Variants in CACNA2D3 observed in about 807,000 individuals in gnomAD.
CACNA2D3 encodes voltage-dependent calcium channel subunit alpha-2/delta-3.
In CACNA2D3, 60 loss-of-function variants were observed where a neutral mutation model predicts 160.6. The ratio of observed to expected loss-of-function variants is 0.37; its 90% CI spans 0.30 to 0.46. CACNA2D3 has a LOEUF of 0.46. Ranked by LOEUF, CACNA2D3 falls within the 20% of genes least tolerant of loss-of-function variation. The probability of loss-of-function intolerance (pLI) is 1.00; values close to 1 mark genes in which losing one functional copy is unlikely to be tolerated. For missense variants in CACNA2D3, 1,205 were observed against 1,365.0 expected, an observed-to-expected ratio of 0.88 and a Z score of 1.85; for synonymous variants, 558 against 492.9, an observed-to-expected ratio of 1.13 and a Z score of -1.75.
intron 27 of CACNA2D3, chr3:54,918,691 A>T (rs766992149): frequency 6.2e-7 from 1 of 1,614,134 alleles, no homozygotes; most frequent in Non-Finnish European, 8.5e-7. Flanking sequence ...CTCGCACTCC[A>T]AGAGTTCTCG....
At chr3:54,409,692 G>T (rs2106723380) in intron 4 of CACNA2D3, among the ~76,000 whole-genome samples, 1 of 152,328 alleles carries the variant, frequency 6.6e-6, no homozygotes, top group South Asian at 2.1e-4. Flanking sequence ...CAGCCTTATT[G>T]CTGATATGGA....
chr3:54,414,129 T>C (rs1699716801), intron 4 of CACNA2D3, among the ~76,000 whole-genome samples: 1 of 151,960 alleles, frequency 6.6e-6, no homozygotes, highest in Admixed American at 6.6e-5. Flanking sequence ...AAGGAGAGAA[T>C]GATATACTAC....
intron 9 of CACNA2D3, among the ~76,000 whole-genome samples, chr3:54,588,176 G>A (rs1366895971): frequency 1.3e-5 from 2 of 152,170 alleles, no homozygotes; most frequent in African/African-American, 2.4e-5. Flanking sequence ...ATCAATCAAT[G>A]TAATCTACTA....
intron 5 of CACNA2D3, among the ~76,000 whole-genome samples, chr3:54,522,137 G>A (rs544880672): frequency 1.1e-4 from 17 of 151,842 alleles, no homozygotes; most frequent in Non-Finnish European, 2.4e-4. Context: ...GGAGAGTTTT[G>A]CCATTTTAAC....
At chr3:54,540,804 A>G (rs1427178924) in intron 5 of CACNA2D3, among the ~76,000 whole-genome samples, 2 of 151,954 alleles carry the variant, frequency 1.3e-5, no homozygotes, top group Non-Finnish European at 2.9e-5. Flanking sequence ...CACACTGGGG[A>G]TTGGGGATTA....
chr3:54,467,328 G>T (rs1038343982), intron 4 of CACNA2D3, among the ~76,000 whole-genome samples: 1 of 152,214 alleles, frequency 6.6e-6, no homozygotes, highest in African/African-American at 2.4e-5. Context: ...ACTGGGAAGA[G>T]TCTTGGAAAT....
At chr3:54,968,786 T>C (rs1249836420) in intron 28 of CACNA2D3, among the ~76,000 whole-genome samples, 1 of 152,196 alleles carries the variant, frequency 6.6e-6, no homozygotes, top group Admixed American at 6.5e-5. Context: ...CTTTTAAGTA[T>C]TGGGGCCTTT....
intron 4 of CACNA2D3, among the ~76,000 whole-genome samples, chr3:54,490,536 T>C (rs1440833124): frequency 6.6e-6 from 1 of 152,098 alleles, no homozygotes; most frequent in African/African-American, 2.4e-5. Context: ...CAAAAATGTT[T>C]CCCTAAGTGG....
intron 2 of CACNA2D3, among the ~76,000 whole-genome samples, chr3:54,145,618 A>C (rs533291512): frequency 3.9e-5 from 6 of 152,250 alleles, no homozygotes; most frequent in African/African-American, 1.4e-4. Context: ...TCTGCGATCT[A>C]CGTTTCTCTG....
intron 2 of CACNA2D3, among the ~76,000 whole-genome samples, chr3:54,222,203 C>T (rs890885873): frequency 3.3e-5 from 5 of 152,190 alleles, no homozygotes; most frequent in African/African-American, 1.2e-4. Flanking sequence ...TCAAGATCTG[C>T]AGTAAGCAAG....
intron 10 of CACNA2D3, among the ~76,000 whole-genome samples, chr3:54,628,367 A>G (rs941937783): frequency 2.0e-5 from 3 of 152,264 alleles, no homozygotes; most frequent in East Asian, 1.9e-4. Flanking sequence ...AGGTCAAACC[A>G]GAGCACAGTG....
chr3:54,473,772 CAT>C (rs1700779018), intron 4 of CACNA2D3, among the ~76,000 whole-genome samples: 1 of 152,114 alleles, frequency 6.6e-6, no homozygotes, highest in Admixed American at 6.5e-5. Context: ...GGCCAACAAA[CAT>C]ATGAAAAAAA....
intron 11 of CACNA2D3, among the ~76,000 whole-genome samples, chr3:54,693,515 C>T (rs1411974031): frequency 6.6e-6 from 1 of 152,158 alleles, no homozygotes; most frequent in Non-Finnish European, 1.5e-5. Context: ...ATGTACTGTA[C>T]TATACTTTTA....
chr3:54,717,910 G>A (rs1188534895), intron 11 of CACNA2D3, among the ~76,000 whole-genome samples: 1 of 151,946 alleles, frequency 6.6e-6, no homozygotes, highest in Admixed American at 6.6e-5. Flanking sequence ...CTGCATCTGG[G>A]TGTTTTAGTA....
intron 11 of CACNA2D3, among the ~76,000 whole-genome samples, chr3:54,686,785 AAAAC>A (rs1700455867): frequency 6.6e-6 from 1 of 152,234 alleles, no homozygotes; most frequent in African/African-American, 2.4e-5. Context: ...TGTGATTAAA[AAAAC>A]AAGTATTATG....
intron 2 of CACNA2D3, among the ~76,000 whole-genome samples, chr3:54,204,674 T>G (rs898441993): frequency 6.6e-6 from 1 of 151,726 alleles, no homozygotes; most frequent in African/African-American, 2.4e-5. Flanking sequence ...CACATGCCTG[T>G]AATCCCAGCT....
intron 27 of CACNA2D3, among the ~76,000 whole-genome samples, chr3:54,946,313 C>T (rs149148458): frequency 6.6e-6 from 1 of 152,318 alleles, no homozygotes; most frequent in Non-Finnish European, 1.5e-5. Flanking sequence ...CCATCCTGTA[C>T]ATGTCTTCAG....
chr3:54,199,657 T>G (rs1375086510), intron 2 of CACNA2D3, among the ~76,000 whole-genome samples: 1 of 152,174 alleles, frequency 6.6e-6, no homozygotes, highest in Non-Finnish European at 1.5e-5. Context: ...GAGCCTTTGC[T>G]CTTCAGAGGC....
intron 5 of CACNA2D3, among the ~76,000 whole-genome samples, chr3:54,538,499 C>T (rs1320818751): frequency 1.3e-5 from 2 of 152,194 alleles, no homozygotes; most frequent in African/African-American, 2.4e-5. Context: ...TGCCCCTTCA[C>T]AGCTTCTTTC....
Sources: gnomAD v4.1 joint callset for allele counts (sites outside exome capture counted in the v4.1 genomes callset) on GRCh38, gnomAD v4.1.1 for gene constraint, MANE v1.5 for transcripts, NCBI Gene and HGNC (gene_info 2026-07-23, HGNC 2026-07-21) for gene names.